Variants in FGD5 observed in about 807,000 individuals in gnomAD.
FGD5 encodes the protein FYVE, RhoGEF and PH domain-containing protein 5.
FGD5 carries 28 observed loss-of-function variants against 133.4 expected under a neutral mutation model. That is an observed-to-expected ratio of 0.21 (90% confidence interval 0.16 to 0.29). The LOEUF (loss-of-function observed/expected upper bound fraction) is 0.29, where lower values mean the gene tolerates loss of function less well. Ranked by LOEUF, FGD5 falls within the 10% of genes least tolerant of loss-of-function variation. The pLI is 1.00. For missense variants in FGD5, 1,858 were observed against 1,895.2 expected, an observed-to-expected ratio of 0.98 and a Z score of 0.36; for synonymous variants, 810 against 776.5, an observed-to-expected ratio of 1.04 and a Z score of -0.72.
chr3:14,924,047 GCTTCTCGGGCAGTGC>G lies in FGD5; in HGVS notation c.3981_3995del (p.Gly1329_Ser1333del). 1 of 1,613,962 alleles carries G rather than the reference GCTTCTCGGGCAGTGC, an allele frequency of 6.2e-7. No individual in the cohort carries two copies. The stretch of plus-strand genomic sequence containing the variant: ...ATGAGCTTCCCGCTGTCTTCACCCC[GCTTCTCGGGCAGTGC>G]CTTTTCATCCGTCTTCCAGAGCATT... On this transcript the variant is annotated inframe_deletion, in exon 17 of 20. Coordinates refer to ENST00000285046, the MANE Select transcript of FGD5 (RefSeq NM_152536.4).
At position 14,922,642 on chromosome 3, in the gene FGD5, G is replaced by A. The variant is rs2038708250; in HGVS notation, c.3807+94G>A. 25 of 1,475,988 alleles carry A rather than the reference G, an allele frequency of 1.7e-5. 1 individual carries two copies. In the South Asian group the frequency reaches 2.6e-4, roughly 15 times the overall value. 91.4% of individuals were successfully genotyped at this position (1,475,988 alleles called of 1,614,324 possible). ...GCCGGGGGCTCAGGGATGTCCAGCA[G>A]CTACTGTAAGCCCCAGAGTGAGGCA... On this transcript the variant is annotated intron_variant, in intron 15 of 19. Transcript: ENST00000285046. This position sits in a 1 kb window ranked among gnomAD's most constrained non-coding sequence, Gnocchi z 4.1.
intron 7 of FGD5, among the ~76,000 whole-genome samples, chr3:14,899,256 C>A (rs1241812095): frequency 2.0e-5 from 3 of 152,152 alleles, no homozygotes; most frequent in South Asian, 2.1e-4. Context: ...ATACTCTCTC[C>A]CACTTCCCTC....
chr3:14,848,676 A>C (rs2037101730), intron 1 of FGD5, among the ~76,000 whole-genome samples: 1 of 152,236 alleles, frequency 6.6e-6, no homozygotes, highest in Non-Finnish European at 1.5e-5. Context: ...ATGCAAATAA[A>C]AAAGATTATA....
chr3:14,891,739 T>A (rs928276473), intron 4 of FGD5, among the ~76,000 whole-genome samples: 5 of 152,220 alleles, frequency 3.3e-5, no homozygotes, highest in Non-Finnish European at 5.9e-5. Context: ...CAGACCTTTT[T>A]AAACTCCACA....
In FGD5 at chr3:14,819,515, G is replaced by C. The variant is rs1180104548; in HGVS notation, c.444G>C (p.Glu148Asp). The C allele has an allele frequency of 2.6e-6, 4 of 1,551,472 alleles. No homozygotes were observed. The East Asian group carries it at 9.8e-5, about 38-fold the overall frequency. The part of the protein sequence containing the change: ...GTDLALEDEG[E>D]GCADEPGTLE... ...ACCTTGCTCTTGAGGATGAAGGGGA[G>C]GGCTGCGCTGATGAGCCAGGGACAC... The change falls in exon 1 of 20, where the codon GAG (glutamate) becomes GAC (aspartate). Residue 148 changes from glutamate to aspartate, a missense_variant. By Grantham distance (45) the Glu-to-Asp change is conservative. Coordinates refer to ENST00000285046, the MANE Select transcript of FGD5 (RefSeq NM_152536.4). The surrounding 1 kb of genome is among the most constrained non-coding windows in gnomAD (Gnocchi z 4.1).
chr3:14,904,764 A>G (rs1023810457), intron 9 of FGD5, among the ~76,000 whole-genome samples: 1 of 152,210 alleles, frequency 6.6e-6, no homozygotes, highest in Non-Finnish European at 1.5e-5. Flanking sequence ...CAGCTTTTGC[A>G]TATACCCATA....
chr3:14,933,262 C>T lies in FGD5; in HGVS notation c.*95C>T. 1 of 1,432,352 alleles carries T rather than the reference C, an allele frequency of 7.0e-7. No individual in the cohort carries two copies. 88.7% of individuals were successfully genotyped at this position (1,432,352 alleles called of 1,614,324 possible). A position where few individuals can be genotyped will look rare whatever the true frequency, so the allele number is the denominator to read the frequency against. On this transcript the variant is annotated 3_prime_UTR_variant, in exon 20 of 20. Coordinates refer to ENST00000285046, the MANE Select transcript of FGD5 (RefSeq NM_152536.4). ...GTGGCTCAACTCATCCGGACACACA[C>T]CTGGATTCAGCAATGAGGCCTGACC... is the stretch of plus-strand genomic sequence containing the variant.
chr3:14,837,472 G>A (rs2036837925), intron 1 of FGD5, among the ~76,000 whole-genome samples: 1 of 152,154 alleles, frequency 6.6e-6, no homozygotes, highest in Non-Finnish European at 1.5e-5. Flanking sequence ...GGGGGCTGGG[G>A]GGGATGTATT....
intron 2 of FGD5, among the ~76,000 whole-genome samples, chr3:14,877,906 G>A (rs2037750527): frequency 6.6e-6 from 1 of 152,200 alleles, no homozygotes; most frequent in South Asian, 2.1e-4. Flanking sequence ...GTAGAAGCCA[G>A]GGATGCCATT....
chr3:14,900,848 A>G (rs1187780686), intron 8 of FGD5, among the ~76,000 whole-genome samples, 155 bp from the exon 9 acceptor site: 1 of 152,208 alleles, frequency 6.6e-6, no homozygotes, highest in Non-Finnish European at 1.5e-5. Flanking sequence ...ACAGCCAGGG[A>G]AACTGAGGCA....
chr3:14,854,460 G>T (rs2037236266), intron 1 of FGD5, among the ~76,000 whole-genome samples: 1 of 151,152 alleles, frequency 6.6e-6, no homozygotes. Context: ...CTGTCGCCCA[G>T]GCTGGACTGC....
At chr3:14,898,931 C>A in intron 7 of FGD5, 105 bp downstream of exon 7, 1 of 1,028,830 alleles carries the variant, frequency 9.7e-7, no homozygotes, top group Non-Finnish European at 1.4e-6. Context: ...CCATGTCAGG[C>A]AGGTGTTGGG....
At chr3:14,851,403 C>G (rs112601665) in intron 1 of FGD5, among the ~76,000 whole-genome samples, 6 of 152,296 alleles carry the variant, frequency 3.9e-5, no homozygotes, top group African/African-American at 1.4e-4. Flanking sequence ...TGGCATCAGA[C>G]AGTCAGGTCC....
intron 10 of FGD5, among the ~76,000 whole-genome samples, chr3:14,908,084 T>G (rs1205020393): frequency 6.6e-6 from 1 of 152,190 alleles, no homozygotes; most frequent in Non-Finnish European, 1.5e-5. Context: ...AAAAATAACA[T>G]TCTTGAGGAG....
At chr3:14,893,199 G>T (rs1203819577) in intron 4 of FGD5, among the ~76,000 whole-genome samples, 2 of 152,236 alleles carry the variant, frequency 1.3e-5, no homozygotes, top group South Asian at 4.2e-4. Context: ...CATCATAGAT[G>T]TACATAGTTT....
intron 11 of FGD5, 32 bp downstream of exon 11, chr3:14,910,961 A>G (rs1314619159): frequency 1.3e-6 from 2 of 1,598,290 alleles, no homozygotes; most frequent in Non-Finnish European, 1.7e-6. Flanking sequence ...CCAGCTCAGG[A>G]ACTGCCAAGT....
At chr3:14,875,684 G>C (rs1408522702) in intron 2 of FGD5, among the ~76,000 whole-genome samples, 1 of 152,176 alleles carries the variant, frequency 6.6e-6, no homozygotes, top group South Asian at 2.1e-4. Context: ...GGCCAGTCAA[G>C]GGTACAGGGA....
At chr3:14,833,839 G>T (rs999484417) in intron 1 of FGD5, among the ~76,000 whole-genome samples, 15 of 152,310 alleles carry the variant, frequency 9.8e-5, no homozygotes, top group Admixed American at 9.8e-4. Flanking sequence ...CCGACAAGCA[G>T]CCTCAGAAGG....
upstream of FGD5, among the ~76,000 whole-genome samples, chr3:14,815,405 CA>C (rs1360195571): frequency 6.6e-6 from 1 of 151,946 alleles, no homozygotes; most frequent in Non-Finnish European, 1.5e-5. Flanking sequence ...CATCATCTAG[CA>C]TATGATATGT....
Sources: allele counts gnomAD v4.1 joint callset (sites outside exome capture counted in the v4.1 genomes callset), GRCh38; gene constraint gnomAD v4.1.1; non-coding constraint Gnocchi (gnomAD v3.1); transcripts MANE v1.5; gene names NCBI Gene and HGNC (gene_info 2026-07-23, HGNC 2026-07-21).